The following ATP2C2 variants were observed in gnomAD, a reference collection of about 807,000 sequenced individuals.
ATP2C2 encodes the protein ATPase secretory pathway Ca2+ transporting 2.
A neutral mutation model predicts 110.8 loss-of-function variants in ATP2C2; 171 were observed. That is an observed-to-expected ratio of 1.54 (90% confidence interval 1.36 to 1.75). ATP2C2 has a LOEUF of 1.75. ATP2C2 is among the 40% of genes most tolerant of loss of function. The pLI, the probability that ATP2C2 is intolerant of heterozygous loss-of-function variation, is 0.00. For missense variants in ATP2C2, 1,963 were observed against 1,235.0 expected (o/e 1.59, Z -8.84); for synonymous variants, 804 against 508.4 (o/e 1.58, Z -7.82).
At chr16:84,403,308 C>G (rs1273176535) in intron 2 of ATP2C2, among the ~76,000 whole-genome samples, 3 of 152,096 alleles carry the variant, frequency 2.0e-5, no homozygotes, top group Middle Eastern at 3.4e-3. Flanking sequence ...ACCATCTTAA[C>G]CTTGTTATTT....
Position 84,399,827 on chromosome 16 carries a change from C to T in ATP2C2, c.210+1218C>T, listed in dbSNP as rs1289032673. On this transcript the variant is annotated intron_variant, in intron 2 of 26. Coordinates refer to ENST00000262429, the MANE Select transcript of ATP2C2 (RefSeq NM_014861.4). ...CAATTAAATTATTTTTGACAACAGT[C>T]GCCCTGTCATGCCAGCAAATACTAG... Among the ~76,000 whole-genome samples the T allele has an allele frequency of 3.3e-5, 5 of 152,162 alleles. 1 individual carries two copies. The highest frequency in any genetic ancestry group is 5.9e-5 in the Non-Finnish European group (4 of 68,034).
chr16:84,460,584 A>G (rs760539735), intron 23 of ATP2C2, 70 bp from the exon 24 acceptor site: 2 of 1,596,898 alleles, frequency 1.3e-6, no homozygotes, highest in Admixed American at 1.7e-5. Flanking sequence ...AGGCTCAGGC[A>G]CAGCTGTTTC....
At chr16:84,453,051 G>C in intron 18 of ATP2C2, 87 bp from the exon 19 acceptor site, 5 of 1,336,696 alleles carry the variant, frequency 3.7e-6, no homozygotes, top group Non-Finnish European at 5.2e-6. Flanking sequence ...TTTTATTCTT[G>C]GTGTTCCCCA....
chr16:84,406,837 C>A (rs1486011396), intron 3 of ATP2C2, among the ~76,000 whole-genome samples: 1 of 152,120 alleles, frequency 6.6e-6, no homozygotes, highest in East Asian at 1.9e-4. Context: ...GGACCCGCTC[C>A]CCCACTTCCC....
At chr16:84,430,733 GA>G (rs1435879851) in intron 11 of ATP2C2, among the ~76,000 whole-genome samples, 1 of 151,822 alleles carries the variant, frequency 6.6e-6, no homozygotes, top group Non-Finnish European at 1.5e-5. Context: ...AGCAGGAGTA[GA>G]ACATGTGATC....
intron 24 of ATP2C2, 113 bp from the exon 25 acceptor site, chr16:84,461,601 G>A (rs540084916): frequency 1.9e-5 from 18 of 924,178 alleles, no homozygotes; most frequent in Admixed American, 6.9e-5. Context: ...TCATGAGCTT[G>A]TAAGTGGCTC....
intron 10 of ATP2C2, among the ~76,000 whole-genome samples, chr16:84,424,667 C>T (rs551245012): frequency 1.3e-5 from 2 of 150,594 alleles, no homozygotes; most frequent in Admixed American, 6.6e-5. Flanking sequence ...CCCTAGAAGG[C>T]CCAAGGGGCA....
At chr16:84,451,234 C>G (rs1285129894) in intron 17 of ATP2C2, among the ~76,000 whole-genome samples, 3 of 152,166 alleles carry the variant, frequency 2.0e-5, no homozygotes, top group Non-Finnish European at 4.4e-5. Flanking sequence ...GATGTATTCA[C>G]TACCACAGAG....
chr16:84,376,868 T>C (rs1021377607), intron 1 of ATP2C2, among the ~76,000 whole-genome samples: 8 of 152,362 alleles, frequency 5.3e-5, no homozygotes, highest in South Asian at 2.1e-4. Context: ...GCAATTGCAC[T>C]GGCCTCATGC....
In ATP2C2 at chr16:84,398,531, G is replaced by C. The variant is rs753656272; in HGVS notation, c.132G>C (p.Glu44Asp). ...IDEQSELKAIEKEKKVTALPP... is the reference protein window; with the variant it reads ...IDEQSELKAIDKEKKVTALPP... ...AACAGAGTGAGCTGAAAGCCATCGA[G>C]AAAGAGAAGAAGGTGACAGCCCTGC... The change falls in exon 2 of 27, where the codon GAG becomes GAC. Residue 44 changes from glutamate to aspartate, a missense_variant. By Grantham distance (45) the Glu-to-Asp change is conservative (BLOSUM62 2). Coordinates refer to ENST00000262429, the MANE Select transcript of ATP2C2 (RefSeq NM_014861.4). 10 of 1,613,160 alleles carry C rather than the reference G, an allele frequency of 6.2e-6. No individual in the cohort carries two copies. The highest frequency in any genetic ancestry group is 1.3e-5 in the African/African-American group (1 of 74,798).
At chr16:84,455,111 G>C (rs1290451172) in intron 21 of ATP2C2, 127 bp downstream of exon 21, 10 of 1,270,234 alleles carry the variant, frequency 7.9e-6, no homozygotes, top group East Asian at 5.1e-5. Context: ...GCTGAATCTC[G>C]GGGCTCGTCA....
Position 84,453,346 on chromosome 16 carries a change from C to G in ATP2C2, c.1955C>G (p.Pro652Arg), listed in dbSNP as rs768800000. The change falls in exon 20 of 27, where the codon CCA becomes CGA. Residue 652 changes from proline (P) to arginine (R), a missense_variant. Physicochemically the swap from Pro to Arg is moderately radical, Grantham distance 103. Transcript: ENST00000262429. Reference protein sequence around the residue: ...GKVSVFFRTSPKHKLKIIKAL... With the variant: ...GKVSVFFRTSRKHKLKIIKAL... Reference sequence around the variant, plus strand: ...GTGTCCGTGTTCTTCAGGACCAGCCCAAAGCACAAGCTCAAAATCATCAAG... The same window carrying G: ...GTGTCCGTGTTCTTCAGGACCAGCCGAAAGCACAAGCTCAAAATCATCAAG... The G allele has an allele frequency of 3.1e-6, 5 of 1,614,012 alleles. No individual in the cohort carries two copies. The highest frequency in any genetic ancestry group is 1.6e-4 in the Middle Eastern group (1 of 6,084).
intron 1 of ATP2C2, among the ~76,000 whole-genome samples, chr16:84,375,447 A>G (rs1310576339): frequency 6.6e-6 from 1 of 152,100 alleles, no homozygotes; most frequent in Non-Finnish European, 1.5e-5. Flanking sequence ...AGGCTGAGGC[A>G]GAAGAATCAC....
At chr16:84,369,345 G>A (rs866381864) in intron 1 of ATP2C2, among the ~76,000 whole-genome samples, 75 of 152,280 alleles carry the variant, frequency 4.9e-4, no homozygotes, top group African/African-American at 1.4e-3. Flanking sequence ...AGCCCCTCCT[G>A]TTCCTTGGAT....
intron 1 of ATP2C2, among the ~76,000 whole-genome samples, chr16:84,390,760 AAC>A (rs1904608478): frequency 6.6e-6 from 1 of 152,186 alleles, no homozygotes; most frequent in African/African-American, 2.4e-5. Context: ...CATGCTCTAA[AAC>A]AGTTAATTTT....
intron 26 of ATP2C2, 96 bp from the exon 27 acceptor site, chr16:84,463,518 C>G: frequency 3.9e-6 from 4 of 1,035,566 alleles, no homozygotes; most frequent in Non-Finnish European, 6.1e-6. Context: ...CTCCGCACCT[C>G]TCACTTTATC....
At chr16:84,406,274 A>G (rs1234695479) in intron 3 of ATP2C2, among the ~76,000 whole-genome samples, 5 of 152,272 alleles carry the variant, frequency 3.3e-5, no homozygotes, top group Admixed American at 6.5e-5. Context: ...GTTCCATTCT[A>G]GAAGTCGGCA....
intron 11 of ATP2C2, among the ~76,000 whole-genome samples, chr16:84,430,383 G>A (rs954397912): frequency 6.6e-6 from 1 of 152,144 alleles, no homozygotes; most frequent in Non-Finnish European, 1.5e-5. Flanking sequence ...GCTCACGTCT[G>A]TAATCCCAGC....
Position 84,454,904 on chromosome 16 carries a change from C to T in ATP2C2, c.2067C>T (p.Ile689=), listed in dbSNP as rs369409824. The change falls in exon 21 of 27, where the codon ATC becomes ATT. Residue 689 remains isoleucine, a synonymous_variant. Coordinates refer to ENST00000262429, the MANE Select transcript of ATP2C2 (RefSeq NM_014861.4). ...CCCTGAAGTCTGCAGACATTGGGAT[C>T]GCCATGGGGCAGACAGGGACGGACG... ...AVALKSADIG[I]AMGQTGTDVS... is the part of the protein sequence containing the mutation. The T allele has an allele frequency of 2.0e-5, 32 of 1,613,824 alleles. No individual in the cohort carries two copies. Among genetic ancestry groups the T allele is most frequent in the Non-Finnish European group, 2.5e-5 (29 of 1,179,956 alleles).
Sources: allele counts gnomAD v4.1 joint callset (sites outside exome capture counted in the v4.1 genomes callset), GRCh38; gene constraint gnomAD v4.1.1; transcripts MANE v1.5; gene names NCBI Gene and HGNC (gene_info 2026-07-23, HGNC 2026-07-21).